Variants in ADAM12 observed in about 807,000 individuals in gnomAD.
The protein encoded by ADAM12 is disintegrin and metalloproteinase domain-containing protein 12.
ADAM12 carries 70 observed loss-of-function variants against 106.4 expected under a neutral mutation model. That is an observed-to-expected ratio of 0.66 (90% CI 0.54 to 0.80). The LOEUF (loss-of-function observed/expected upper bound fraction) is 0.80. ADAM12 is among the 30% of genes least tolerant of loss of function. The probability of loss-of-function intolerance (pLI) is 0.00; values close to 1 mark genes in which losing one functional copy is unlikely to be tolerated. For missense variants in ADAM12, 1,010 were observed against 1,171.9 expected (o/e 0.86, Z 2.02); for synonymous variants, 420 against 433.5 (o/e 0.97, Z 0.39).
At chr10:126,239,984 C>T (rs1052379489) in intron 3 of ADAM12, among the ~76,000 whole-genome samples, 2 of 152,206 alleles carry the variant, frequency 1.3e-5, no homozygotes, top group African/African-American at 4.8e-5. Flanking sequence ...TGCCCTCCTC[C>T]TCCATCCTTC....
chr10:126,338,645 T>C (rs945270030), intron 1 of ADAM12, among the ~76,000 whole-genome samples: 2 of 152,186 alleles, frequency 1.3e-5, no homozygotes, highest in African/African-American at 4.8e-5. Context: ...TATAGGTTTT[T>C]CTCAAAGTTG....
At position 126,118,728 on chromosome 10, in the gene ADAM12, A is replaced by G. The variant is rs536735532; in HGVS notation, c.417-504T>C. Among the ~76,000 whole-genome samples the G allele has an allele frequency of 9.7e-4, 147 of 152,096 alleles. 1 individual carries two copies. The highest frequency in any genetic ancestry group is 1.6e-3 in the Non-Finnish European group (112 of 67,978). ...CTGTCATCTGAGTAGTGTACGTTGT[A>G]CCCCACAGGTATTCTTTCATCCCTC... On this transcript the variant is annotated intron_variant, in intron 5 of 22. Coordinates refer to ENST00000448723, the MANE Select transcript of ADAM12 (RefSeq NM_001288973.2).
chr10:126,338,122 C>T (rs1854774835), intron 1 of ADAM12, among the ~76,000 whole-genome samples: 1 of 152,056 alleles, frequency 6.6e-6, no homozygotes, highest in South Asian at 2.1e-4. Flanking sequence ...TATAGCTTCT[C>T]ATAAATGTCT....
intron 5 of ADAM12, among the ~76,000 whole-genome samples, chr10:126,132,471 C>CT (rs1372282864): frequency 6.6e-6 from 1 of 151,612 alleles, no homozygotes; most frequent in African/African-American, 2.4e-5. Context: ...GCCCTGGTCT[C>CT]TACAGGAGCT....
chr10:126,222,770 A>G (rs898402786), intron 3 of ADAM12, among the ~76,000 whole-genome samples: 5 of 152,096 alleles, frequency 3.3e-5, no homozygotes, highest in African/African-American at 7.2e-5. Flanking sequence ...AGAATCTGCA[A>G]TTTCACACTT....
rs377130050 is a variant in ADAM12, at chr10:126,083,745, C to T, written c.1145+10240G>A. Among the ~76,000 whole-genome samples the T allele has an allele frequency of 1.3e-3, 191 of 152,348 alleles. 3 individuals are homozygous for T. In the South Asian group the frequency reaches 0.025, roughly 20 times the overall value. ...AATAGGCGCCCCGCCTCAAAAGCCTCGTGACTCCTCCTCATGGTGTGATGG... is the reference window on the plus strand; with the variant it reads ...AATAGGCGCCCCGCCTCAAAAGCCTTGTGACTCCTCCTCATGGTGTGATGG... On this transcript the variant is annotated intron_variant, in intron 11 of 22. Transcript: ENST00000448723.
At position 126,013,626 on chromosome 10, in the gene ADAM12, G is replaced by A. The variant is rs1466673983; in HGVS notation, c.*3653C>T. On this transcript the variant is annotated 3_prime_UTR_variant, in exon 23 of 23. Coordinates refer to ENST00000448723, the MANE Select transcript of ADAM12 (RefSeq NM_001288973.2). This position sits in a 1 kb window ranked among gnomAD's most constrained non-coding sequence, Gnocchi z 4.3. ...CTGATCTAAAGTAGCAATGGAAGTAGTGATTTGACTGTCAAACTGGAGATG... is the reference window on the plus strand; with the variant it reads ...CTGATCTAAAGTAGCAATGGAAGTAATGATTTGACTGTCAAACTGGAGATG... 1 of 152,350 alleles carries A rather than the reference G, an allele frequency of 6.6e-6. No individual in the cohort carries two copies. The highest frequency in any genetic ancestry group is 1.9e-4 in the East Asian group (1 of 5,192). The allele number at this position is 152,350 out of a possible 1,614,324, so 9.4% of individuals were successfully genotyped here. A position where few individuals can be genotyped will look rare whatever the true frequency, so the allele number is the denominator to read the frequency against.
At chr10:126,111,747 A>G (rs1565065980) in intron 6 of ADAM12, among the ~76,000 whole-genome samples, 1 of 152,230 alleles carries the variant, frequency 6.6e-6, no homozygotes, top group East Asian at 1.9e-4. Context: ...TCATGAATTC[A>G]GAGAACTGCA....
chr10:126,033,280 G>GTATC (rs1954001624), intron 21 of ADAM12, among the ~76,000 whole-genome samples: 2 of 152,108 alleles, frequency 1.3e-5, no homozygotes, highest in Non-Finnish European at 2.9e-5. Flanking sequence ...CAGTTTGCCA[G>GTATC]CATACCATTG....
intron 3 of ADAM12, among the ~76,000 whole-genome samples, chr10:126,261,416 G>A (rs1958999040): frequency 6.6e-6 from 1 of 152,180 alleles, no homozygotes; most frequent in Admixed American, 6.5e-5. Context: ...TGGGAGTAAA[G>A]ACATGGCAAA....
intron 11 of ADAM12, among the ~76,000 whole-genome samples, chr10:126,072,580 A>G (rs1220388486): frequency 2.6e-5 from 4 of 152,166 alleles, no homozygotes; most frequent in African/African-American, 9.7e-5. Context: ...GAGGAAGGCC[A>G]CCTGCAGCCT....
At chr10:126,151,374 T>C (rs764406915) in intron 4 of ADAM12, among the ~76,000 whole-genome samples, 2 of 152,218 alleles carry the variant, frequency 1.3e-5, no homozygotes, top group Non-Finnish European at 2.9e-5. Context: ...TCAGTTATAA[T>C]ACTTTTAATC....
chr10:126,253,001 G>A (rs1273018978), intron 3 of ADAM12, among the ~76,000 whole-genome samples: 1 of 152,076 alleles, frequency 6.6e-6, no homozygotes, highest in Non-Finnish European at 1.5e-5. Flanking sequence ...TCTGATATGT[G>A]CTCTCGAAAC....
intron 6 of ADAM12, among the ~76,000 whole-genome samples, chr10:126,116,423 G>A (rs955646100): frequency 6.6e-6 from 1 of 152,130 alleles, no homozygotes; most frequent in Non-Finnish European, 1.5e-5. Context: ...AACCTGCCGT[G>A]GGACCCCAGA....
At chr10:126,305,782 T>C (rs1025974066) in intron 2 of ADAM12, among the ~76,000 whole-genome samples, 2 of 152,110 alleles carry the variant, frequency 1.3e-5, no homozygotes, top group Non-Finnish European at 2.9e-5. Flanking sequence ...AGTAGAATTA[T>C]GACCAGGCTA....
chr10:126,339,922 T>C (rs2133866991), intron 1 of ADAM12, among the ~76,000 whole-genome samples: 1 of 140,946 alleles, frequency 7.1e-6, no homozygotes, highest in Middle Eastern at 3.8e-3. Context: ...TGGCCTGATC[T>C]CAGCTCACTG....
At chr10:126,068,611 T>C (rs1954921896) in intron 12 of ADAM12, among the ~76,000 whole-genome samples, 1 of 152,248 alleles carries the variant, frequency 6.6e-6, no homozygotes, top group Admixed American at 6.5e-5. Context: ...TTTCCTTATG[T>C]TGATATAAAT....
intron 11 of ADAM12, among the ~76,000 whole-genome samples, chr10:126,080,117 C>T (rs1955184206): frequency 6.6e-6 from 1 of 152,162 alleles, no homozygotes; most frequent in African/African-American, 2.4e-5. Flanking sequence ...TGATGTTTCC[C>T]TTCCACCTGC....
chr10:126,299,347 C>A (rs1206115059), intron 2 of ADAM12, among the ~76,000 whole-genome samples: 1 of 152,218 alleles, frequency 6.6e-6, no homozygotes, highest in African/African-American at 2.4e-5. Context: ...TCTTTTCTCT[C>A]ATTTTTTCAA....
Sources: allele counts gnomAD v4.1 joint callset (sites outside exome capture counted in the v4.1 genomes callset), GRCh38; gene constraint gnomAD v4.1.1; non-coding constraint Gnocchi (gnomAD v3.1); transcripts MANE v1.5; gene names NCBI Gene and HGNC (gene_info 2026-07-23, HGNC 2026-07-21).